Variants in SMC3 observed in about 807,000 individuals in gnomAD.
SMC3 encodes the protein structural maintenance of chromosomes 3.
SMC3 carries 20 observed loss-of-function variants against 171.8 expected under a neutral mutation model. The observed-to-expected ratio is 0.12, with a 90% CI of 0.08 to 0.17. The LOEUF (loss-of-function observed/expected upper bound fraction) is 0.17, where lower values mean the gene tolerates loss of function less well. Ranked by LOEUF, SMC3 falls within the 10% of genes least tolerant of loss-of-function variation. The pLI, the probability that SMC3 is intolerant of heterozygous loss-of-function variation, is 1.00. For synonymous variants in SMC3, 464 were observed against 451.1 expected (o/e 1.03, Z -0.36); for missense variants, 543 against 1,420.4 (o/e 0.38, Z 9.93).
Position 110,581,733 on chromosome 10 carries a change from G to GA in SMC3, c.548-183dup, listed in dbSNP as rs574426740. ...CATTGCCAAGGTCTGATTTTTCACA[G>GA]AAAAAAATTTGCAACCTCTGGCATA... On this transcript the variant is annotated intron_variant, in intron 8 of 28. Transcript: ENST00000361804. 1.7e-4 allele frequency among the ~76,000 whole-genome samples: 26 copies of GA among 152,114 alleles called. No individual in the cohort carries two copies. In the South Asian group the frequency reaches 5.4e-3, roughly 32 times the overall value.
intron 13 of SMC3, among the ~76,000 whole-genome samples, chr10:110,587,340 T>A (rs975410169): frequency 6.6e-6 from 1 of 152,176 alleles, no homozygotes; most frequent in African/African-American, 2.4e-5. Context: ...AGGGAACCAT[T>A]AGTGTTCAGA....
rs35132779 is a variant in SMC3 at position 110,568,767 on chromosome 10, CT to C, written c.16-158del. Among the ~76,000 whole-genome samples, 1,236 of 142,948 alleles carry C rather than the reference CT, an allele frequency of 8.6e-3. 7 individuals carry two copies. The highest frequency in any genetic ancestry group is 0.019 in the South Asian group (86 of 4,542). The allele number at this position is 142,948 out of a possible 152,430, so 93.8% of individuals were successfully genotyped here. A position where few individuals can be genotyped will look rare whatever the true frequency, so the allele number is the denominator to read the frequency against. On this transcript the variant is annotated intron_variant, in intron 1 of 28. Transcript: ENST00000361804. ...TGGCAAAGATTACCGATAAAAGTAC[CT>C]TTTTTTTTTTTTAGCAGATTTTTAA...
At position 110,603,704 on chromosome 10, in the gene SMC3, A is replaced by G. The variant is rs548045728; in HGVS notation, c.3582+414A>G. 2.0e-3 allele frequency among the ~76,000 whole-genome samples: 306 copies of G among 152,362 alleles called. 1 individual carries two copies. The highest frequency in any genetic ancestry group is 6.6e-3 in the African/African-American group (273 of 41,576). The stretch of plus-strand genomic sequence containing the variant: ...ATGATATTTATTTCTTCAGAGCATT[A>G]AAATACATATTTTTTAAATCTATGC... On this transcript the variant is annotated intron_variant, in intron 28 of 28. Coordinates refer to ENST00000361804, the MANE Select transcript of SMC3 (RefSeq NM_005445.4).
At chr10:110,591,451 T>A (rs1233569960) in intron 17 of SMC3, among the ~76,000 whole-genome samples, 1 of 152,192 alleles carries the variant, frequency 6.6e-6, no homozygotes, top group African/African-American at 2.4e-5. Flanking sequence ...AAAGCGTAAG[T>A]ACAGGATACT....
Position 110,602,899 on chromosome 10 carries a change from C to A in SMC3, c.3372C>A (p.Ala1124=). ...QLSGGQKSLV[A]LALIFAIQKC... The stretch of plus-strand genomic sequence containing the variant: ...CAGGTGGACAGAAATCCTTGGTAGC[C>A]CTTGCTCTGATTTTTGCCATTCAGA... The change falls in exon 27 of 29, where the codon GCC becomes GCA. Residue 1124 remains alanine, a synonymous_variant. Transcript: ENST00000361804. 3 of 1,613,722 alleles carry A rather than the reference C, an allele frequency of 1.9e-6. No individual in the cohort carries two copies. Among genetic ancestry groups the A allele is most frequent in the Non-Finnish European group, 2.5e-6 (3 of 1,179,814 alleles).
chr10:110,584,468 A>C, intron 13 of SMC3, 72 bp downstream of exon 13: 2 of 1,093,690 alleles, frequency 1.8e-6, no homozygotes, highest in Admixed American at 4.1e-5. Context: ...ATCTACTTCA[A>C]GTTTTCTTTT....
At position 110,600,630 on chromosome 10, in the gene SMC3, T is replaced by TG; in HGVS notation, c.2535+85dup. On this transcript the variant is annotated intron_variant, in intron 22 of 28. Transcript: ENST00000361804. Reference sequence around the variant, plus strand: ...AAGTGGTTATATCAGAGGCTCTGATTGAAAGCATGGGCTTTGGGGACAGAA... The same window carrying TG: ...AAGTGGTTATATCAGAGGCTCTGATTGGAAAGCATGGGCTTTGGGGACAGAA... 3 of 781,702 alleles carry TG rather than the reference T, an allele frequency of 3.8e-6. No homozygotes were observed. In the Admixed American group the frequency reaches 5.9e-5, roughly 15 times the overall value. 48.4% of individuals were successfully genotyped at this position (781,702 alleles called of 1,614,324 possible).
chr10:110,600,260 T>G (rs918740861), intron 21 of SMC3, among the ~76,000 whole-genome samples, 179 bp from the exon 22 acceptor site: 4 of 152,158 alleles, frequency 2.6e-5, no homozygotes, highest in African/African-American at 9.7e-5. Flanking sequence ...CCACAAAAAT[T>G]TAACATTATG....
At chr10:110,598,060 C>A in intron 19 of SMC3, 79 bp from the exon 20 acceptor site, 1 of 1,288,250 alleles carries the variant, frequency 7.8e-7, no homozygotes, top group Non-Finnish European at 1.1e-6. Flanking sequence ...GGAAGGGATA[C>A]ATGGTGTTGT....
intron 6 of SMC3, 107 bp downstream of exon 6, chr10:110,578,021 A>T: frequency 1.3e-6 from 1 of 753,524 alleles, no homozygotes; most frequent in Non-Finnish European, 2.3e-6. Context: ...CAAATGATCC[A>T]CCTCGGCTTC....
chr10:110,589,468 C>A (rs778107800), intron 13 of SMC3, 137 bp from the exon 14 acceptor site: 1 of 643,572 alleles, frequency 1.6e-6, no homozygotes, highest in Non-Finnish European at 2.8e-6. Flanking sequence ...TACCCAAAAG[C>A]GTTTTCCATA....
intron 27 of SMC3, 41 bp from the exon 28 acceptor site, chr10:110,603,140 TCTG>T (rs773459445): frequency 4.5e-6 from 7 of 1,542,848 alleles, no homozygotes; most frequent in East Asian, 2.2e-5. Flanking sequence ...AATTTTCAGA[TCTG>T]CTGAAAAGAA....
chr10:110,588,085 G>A (rs985057709), intron 13 of SMC3, among the ~76,000 whole-genome samples: 2 of 152,158 alleles, frequency 1.3e-5, no homozygotes, highest in South Asian at 2.1e-4. Context: ...CCCCATCCTG[G>A]GTTCAAGTGA....
At chr10:110,596,874 T>C (rs955357815) in intron 19 of SMC3, among the ~76,000 whole-genome samples, 3 of 152,014 alleles carry the variant, frequency 2.0e-5, no homozygotes, top group African/African-American at 7.2e-5. Flanking sequence ...TTTTTTTTTT[T>C]TCCCTTCTTC....
chr10:110,575,536 G>A, intron 4 of SMC3, 133 bp downstream of exon 4: 1 of 741,244 alleles, frequency 1.3e-6, no homozygotes, highest in Non-Finnish European at 2.3e-6. Context: ...TCATAAGTGT[G>A]TTACTCTGCT....
rs781730726 is a variant in SMC3 at position 110,581,897 on chromosome 10, C to T, written c.548-26C>T. 3.8e-6 allele frequency: 6 copies of T among 1,589,360 alleles called. No individual in the cohort carries two copies. In the African/African-American group the frequency reaches 8.1e-5, roughly 21 times the overall value. ...TACATAAAAATCTTATTCAATTCTTCCACCTCTCTCCCCATTTCTTTTAAG... is the reference window on the plus strand; with the variant it reads ...TACATAAAAATCTTATTCAATTCTTTCACCTCTCTCCCCATTTCTTTTAAG... On this transcript the variant is annotated intron_variant, in intron 8 of 28. Transcript: ENST00000361804.
chr10:110,590,377 T>A (rs759051378), intron 15 of SMC3, 35 bp from the exon 16 acceptor site: 6 of 1,575,454 alleles, frequency 3.8e-6, no homozygotes, highest in South Asian at 2.2e-5. Context: ...ATTGATGATA[T>A]TATTTTAATA....
chr10:110,592,528 T>C (rs1016859658), intron 17 of SMC3, among the ~76,000 whole-genome samples: 1 of 152,186 alleles, frequency 6.6e-6, no homozygotes, highest in Non-Finnish European at 1.5e-5. Flanking sequence ...TCTAACAGTT[T>C]AGGAGAGAGG....
intron 12 of SMC3, 57 bp downstream of exon 12, chr10:110,584,019 T>C: frequency 6.3e-7 from 1 of 1,597,900 alleles, no homozygotes. Flanking sequence ...TAAAACTAGG[T>C]TGTCCGAGGA....
Sources: allele counts gnomAD v4.1 joint callset (sites outside exome capture counted in the v4.1 genomes callset), GRCh38; gene constraint gnomAD v4.1.1; transcripts MANE v1.5; gene names NCBI Gene and HGNC (gene_info 2026-07-23, HGNC 2026-07-21).